Variants in NELL1 observed in about 807,000 individuals in gnomAD.
The protein encoded by NELL1 is protein kinase C-binding protein NELL1.
Under a neutral mutation model 107.4 loss-of-function variants are expected in NELL1, and 76 were observed. The ratio of observed to expected loss-of-function variants is 0.71; its 90% CI spans 0.59 to 0.86. The LOEUF (loss-of-function observed/expected upper bound fraction) is 0.86. Among genes scored for constraint, NELL1 ranks in the 40% least tolerant of loss-of-function variants. The pLI is 0.00. For synonymous variants in NELL1, 353 were observed against 341.2 expected, an observed-to-expected ratio of 1.03 and a Z score of -0.38; for missense variants, 1,024 against 1,005.5, an observed-to-expected ratio of 1.02 and a Z score of -0.25.
chr11:21,449,040 A>G (rs796675039), intron 15 of NELL1, among the ~76,000 whole-genome samples: 6 of 152,310 alleles, frequency 3.9e-5, no homozygotes, highest in African/African-American at 1.4e-4. Flanking sequence ...TTATATTGAC[A>G]TGTGCTTTTA....
At chr11:20,869,351 A>G (rs1274535622) in intron 4 of NELL1, among the ~76,000 whole-genome samples, 1 of 152,234 alleles carries the variant, frequency 6.6e-6, no homozygotes, top group Non-Finnish European at 1.5e-5. Context: ...TATGGCATTT[A>G]CTTGAGTAAT....
Position 21,202,996 on chromosome 11 carries a change from C to A in NELL1, c.1427-26336C>A, listed in dbSNP as rs140175835. ...TGCACAGTGGTCTGAGAGACTGTTA[C>A]GACTTCCGTTCTTTTGCATTTGCTG... is the stretch of plus-strand genomic sequence containing the variant. On this transcript the variant is annotated intron_variant, in intron 13 of 19. Transcript: ENST00000357134. Among the ~76,000 whole-genome samples the A allele has an allele frequency of 4.0e-5, 6 of 150,288 alleles. No individual in the cohort carries two copies. In the South Asian group the frequency reaches 1.3e-3, roughly 31 times the overall value.
chr11:21,177,733 C>T (rs1173374790), intron 13 of NELL1, among the ~76,000 whole-genome samples: 6 of 151,822 alleles, frequency 4.0e-5, no homozygotes, highest in Non-Finnish European at 7.4e-5. Flanking sequence ...TACATTCCTA[C>T]CAACAGTGTG....
At chr11:20,913,098 G>A (rs1294989220) in intron 5 of NELL1, among the ~76,000 whole-genome samples, 1 of 152,032 alleles carries the variant, frequency 6.6e-6, no homozygotes, top group Non-Finnish European at 1.5e-5. Flanking sequence ...TACATGATTG[G>A]TTGCATTTTG....
intron 5 of NELL1, among the ~76,000 whole-genome samples, chr11:20,913,753 A>T (rs1023792056): frequency 2.0e-5 from 3 of 149,780 alleles, no homozygotes; most frequent in Non-Finnish European, 4.4e-5. Context: ...TTAGGGATTT[A>T]TTTAAGGCCT....
chr11:20,728,864 T>A (rs1047553629), intron 2 of NELL1, among the ~76,000 whole-genome samples: 4 of 152,152 alleles, frequency 2.6e-5, no homozygotes, highest in African/African-American at 9.7e-5. Flanking sequence ...TTATTTGATA[T>A]GAATAGTGTT....
intron 13 of NELL1, among the ~76,000 whole-genome samples, chr11:21,204,648 C>A (rs1405313530): frequency 1.3e-5 from 2 of 151,956 alleles, no homozygotes; most frequent in Non-Finnish European, 2.9e-5. Context: ...CAGTTTTGTT[C>A]CCTTGCTGGT....
chr11:20,682,968 C>T (rs929451371), intron 2 of NELL1, among the ~76,000 whole-genome samples: 1 of 151,898 alleles, frequency 6.6e-6, no homozygotes, highest in Non-Finnish European at 1.5e-5. Flanking sequence ...TTATTTAAAC[C>T]AATAAAATAA....
chr11:21,447,985 G>A (rs1401950867), intron 15 of NELL1, among the ~76,000 whole-genome samples: 1 of 152,168 alleles, frequency 6.6e-6, no homozygotes, highest in Non-Finnish European at 1.5e-5. Flanking sequence ...TCTGCCCAGT[G>A]TTGGCAGCAC....
At chr11:20,772,316 A>G (rs1194040523) in intron 2 of NELL1, among the ~76,000 whole-genome samples, 2 of 152,124 alleles carry the variant, frequency 1.3e-5, no homozygotes, top group African/African-American at 2.4e-5. Flanking sequence ...GGGACTAGGG[A>G]AGCCAAACAG....
At chr11:21,451,193 A>G (rs1274070159) in intron 15 of NELL1, among the ~76,000 whole-genome samples, 1 of 140,446 alleles carries the variant, frequency 7.1e-6, no homozygotes, top group Non-Finnish European at 1.5e-5. Flanking sequence ...TCTAAAAAAA[A>G]AAAAAAAAAG....
chr11:21,106,082 T>C (rs1285249189), intron 12 of NELL1, among the ~76,000 whole-genome samples: 2 of 151,198 alleles, frequency 1.3e-5, no homozygotes, highest in African/African-American at 4.9e-5. Context: ...TAGATAGCTA[T>C]GTTTTGCTTG....
At chr11:21,009,208 G>A (rs906779577) in intron 12 of NELL1, among the ~76,000 whole-genome samples, 1 of 152,118 alleles carries the variant, frequency 6.6e-6, no homozygotes, top group African/African-American at 2.4e-5. Flanking sequence ...ACCTGATTGA[G>A]CATTCTCCTC....
chr11:21,291,213 C>T (rs118158254), intron 14 of NELL1, among the ~76,000 whole-genome samples: 3,781 of 151,994 alleles, frequency 0.025, 49 homozygotes, highest in Non-Finnish European at 0.037. Context: ...TATCAATAGC[C>T]GAATTGATCA....
At chr11:20,712,236 A>C (rs142429336) in intron 2 of NELL1, among the ~76,000 whole-genome samples, 2 of 152,144 alleles carry the variant, frequency 1.3e-5, no homozygotes, top group African/African-American at 4.8e-5. Flanking sequence ...TACTTGTTCT[A>C]GTCTATTGTT....
At chr11:21,054,672 A>G in intron 12 of NELL1, among the ~76,000 whole-genome samples, 1 of 152,056 alleles carries the variant, frequency 6.6e-6, no homozygotes, top group Non-Finnish European at 1.5e-5. Flanking sequence ...TTTAACTTAC[A>G]TTATTTTTAT....
chr11:21,452,738 C>G (rs928252270), intron 15 of NELL1, among the ~76,000 whole-genome samples: 2 of 151,820 alleles, frequency 1.3e-5, no homozygotes, highest in Admixed American at 1.3e-4. Flanking sequence ...TTTAAAGCTC[C>G]TTAAGGTAGT....
At chr11:21,485,253 A>C (rs1854595559) in intron 15 of NELL1, among the ~76,000 whole-genome samples, 1 of 152,126 alleles carries the variant, frequency 6.6e-6, no homozygotes, top group South Asian at 2.1e-4. Context: ...AAGACTACCA[A>C]GGAGAAAGAG....
chr11:21,281,300 G>A (rs1260836937), intron 14 of NELL1, among the ~76,000 whole-genome samples: 1 of 152,048 alleles, frequency 6.6e-6, no homozygotes, highest in African/African-American at 2.4e-5. Context: ...AATAGTGGCT[G>A]TGAGGTGAGG....
Sources: allele counts gnomAD v4.1 joint callset (sites outside exome capture counted in the v4.1 genomes callset), GRCh38; gene constraint gnomAD v4.1.1; transcripts MANE v1.5; gene names NCBI Gene and HGNC (gene_info 2026-07-23, HGNC 2026-07-21).